The following APPL2 variants were observed in gnomAD, a reference collection of about 807,000 sequenced individuals.
The protein encoded by APPL2 is adaptor protein, phosphotyrosine interacting with PH domain and leucine zipper 2.
In APPL2, 84 loss-of-function variants were observed where a neutral mutation model predicts 92.7. That is an observed-to-expected ratio of 0.91 (90% CI 0.76 to 1.09). APPL2 has a LOEUF of 1.09. Ranked by LOEUF, APPL2 falls within the 50% of genes least tolerant of loss-of-function variation. The probability of loss-of-function intolerance (pLI) is 0.00; values close to 1 mark genes in which losing one functional copy is unlikely to be tolerated. For synonymous variants in APPL2, 291 were observed against 291.0 expected, an observed-to-expected ratio of 1.00 and a Z score of 0.00; for missense variants, 736 against 824.5, an observed-to-expected ratio of 0.89 and a Z score of 1.31.
At chr12:105,230,167 T>C (rs1890818664) in intron 1 of APPL2, among the ~76,000 whole-genome samples, 1 of 152,164 alleles carries the variant, frequency 6.6e-6, no homozygotes, top group African/African-American at 2.4e-5. Context: ...GCAGCAGCTC[T>C]GGACATAAAA....
intron 2 of APPL2, among the ~76,000 whole-genome samples, chr12:105,226,586 C>T (rs1475054107): frequency 6.6e-6 from 1 of 152,232 alleles, no homozygotes; most frequent in Non-Finnish European, 1.5e-5. Context: ...AGAACAGAGA[C>T]TCCTCAGAGT....
intron 17 of APPL2, among the ~76,000 whole-genome samples, chr12:105,185,780 AG>A (rs1886551342): frequency 6.6e-6 from 1 of 152,116 alleles, no homozygotes; most frequent in Admixed American, 6.6e-5. Context: ...ATTCCACTGC[AG>A]GGGTATGTTT....
intron 9 of APPL2, among the ~76,000 whole-genome samples, chr12:105,201,534 T>C (rs897684194): frequency 2.6e-5 from 4 of 152,072 alleles, no homozygotes; most frequent in Admixed American, 1.3e-4. Context: ...ACGTGGCTTC[T>C]TGCGTACAAC....
chr12:105,176,881 C>A lies in APPL2; in HGVS notation c.1807G>T (p.Glu603Ter). The A allele has an allele frequency of 1.2e-6, 2 of 1,613,642 alleles. No homozygotes were observed. The highest frequency in any genetic ancestry group is 1.7e-6 in the Non-Finnish European group (2 of 1,179,860). ...TYIFESNSEG[E>*]KICYAINLGK... ...TCTTCACATGAAAAAGAGACCTTTT[C>A]GCCTTCTGAGTTGCTTTCAAAAATG... The change falls in exon 19 of 21, where the codon GAA becomes TAA. Residue 603 changes from glutamate to a stop codon, truncating the protein, a stop_gained. Coordinates refer to ENST00000258530, the MANE Select transcript of APPL2 (RefSeq NM_018171.5). LOFTEE classifies it high-confidence loss of function.
intron 14 of APPL2, among the ~76,000 whole-genome samples, chr12:105,190,959 T>C (rs1887142974): frequency 6.6e-6 from 1 of 152,250 alleles, no homozygotes; most frequent in Non-Finnish European, 1.5e-5. Flanking sequence ...AGCCAGACTA[T>C]AAACTCCTTT....
At chr12:105,217,037 T>C (rs774387174) in intron 4 of APPL2, 32 bp downstream of exon 4, 2 of 1,489,200 alleles carry the variant, frequency 1.3e-6, no homozygotes, top group East Asian at 4.6e-5. Flanking sequence ...CGAGAAAGAA[T>C]CAAATACAAA....
rs1592823897 is a variant in APPL2 at position 105,217,782 on chromosome 12, A to G, written c.154-57T>C. The G allele has an allele frequency of 2.6e-6, 4 of 1,525,054 alleles. No homozygotes were observed. The East Asian group carries it at 9.0e-5, about 34-fold the overall frequency. 94.5% of individuals were successfully genotyped at this position (1,525,054 alleles called of 1,614,324 possible). A position where few individuals can be genotyped will look rare whatever the true frequency, so the allele number is the denominator to read the frequency against. ...TAGTCCAATGTATACATAGTCACTG[A>G]AAAATGCCATCTCTGAGAATCCCTT... On this transcript the variant is annotated intron_variant, in intron 2 of 20. Coordinates refer to ENST00000258530, the MANE Select transcript of APPL2 (RefSeq NM_018171.5).
intron 14 of APPL2, among the ~76,000 whole-genome samples, chr12:105,194,358 A>G (rs551989900): frequency 6.6e-6 from 1 of 152,340 alleles, no homozygotes; most frequent in South Asian, 2.1e-4. Context: ...TGATAACAGT[A>G]AACGCCAGGG....
intron 7 of APPL2, 22 bp downstream of exon 7, chr12:105,207,949 A>C (rs200744427): frequency 6.2e-7 from 1 of 1,603,510 alleles, no homozygotes; most frequent in Admixed American, 1.7e-5. Context: ...GAAGTGAAAA[A>C]CAACATGTAA....
At chr12:105,215,281 G>A (rs920065981) in intron 4 of APPL2, among the ~76,000 whole-genome samples, 2 of 152,248 alleles carry the variant, frequency 1.3e-5, no homozygotes, top group South Asian at 2.1e-4. Context: ...GCTATCTCCA[G>A]GTAGATATGT....
At chr12:105,208,519 C>T (rs1221669049) in intron 5 of APPL2, among the ~76,000 whole-genome samples, 1 of 152,170 alleles carries the variant, frequency 6.6e-6, no homozygotes, top group Non-Finnish European at 1.5e-5. Flanking sequence ...TTCATGGAGA[C>T]CTGGAGTATA....
At chr12:105,206,598 G>A (rs930712585) in intron 8 of APPL2, among the ~76,000 whole-genome samples, 3 of 152,184 alleles carry the variant, frequency 2.0e-5, no homozygotes, top group Non-Finnish European at 2.9e-5. Flanking sequence ...CACTGGCAAC[G>A]TTTCCCCATG....
intron 2 of APPL2, among the ~76,000 whole-genome samples, chr12:105,221,185 C>CA (rs1362444098): frequency 1.3e-5 from 2 of 152,290 alleles, no homozygotes; most frequent in East Asian, 3.9e-4. Flanking sequence ...GGTAGGCCTG[C>CA]AAAAATATCT....
Position 105,236,138 on chromosome 12 carries a change from G to A in APPL2, c.-126C>T, listed in dbSNP as rs528724837. The A allele has an allele frequency of 4.4e-5, 26 of 595,844 alleles. No individual in the cohort carries two copies. Among genetic ancestry groups the A allele is most frequent in the Non-Finnish European group, 3.2e-5 (14 of 442,974 alleles). 36.9% of individuals were successfully genotyped at this position (595,844 alleles called of 1,614,324 possible). On this transcript the variant is annotated 5_prime_UTR_variant, in exon 1 of 21. Coordinates refer to ENST00000258530, the MANE Select transcript of APPL2 (RefSeq NM_018171.5). ...GCCACTCCGTGCCCGCGGCGGCCCC[G>A]CGCGCGTCCACGCCTGGCCAGTGGC...
At chr12:105,223,806 A>G (rs1001088996) in intron 2 of APPL2, among the ~76,000 whole-genome samples, 1 of 152,364 alleles carries the variant, frequency 6.6e-6, no homozygotes, top group Non-Finnish European at 1.5e-5. Context: ...TCACACTGAG[A>G]GCACTCTGTG....
rs1889806161 is a variant in APPL2 at position 105,217,746 on chromosome 12, G to A, written c.154-21C>T. ...TCATTCTGTGGAGAGAAGAGAAAAA[G>A]CAAGTAAGATTAGTCCAATGTATAC... On this transcript the variant is annotated intron_variant, in intron 2 of 20. Coordinates refer to ENST00000258530, the MANE Select transcript of APPL2 (RefSeq NM_018171.5). 4 of 1,612,200 alleles carry A rather than the reference G, an allele frequency of 2.5e-6. No individual in the cohort carries two copies. In the East Asian group the frequency reaches 8.9e-5, roughly 36 times the overall value.
At chr12:105,203,565 T>C (rs1888411052) in intron 9 of APPL2, 138 bp downstream of exon 9, 2 of 724,950 alleles carry the variant, frequency 2.8e-6, no homozygotes, top group Non-Finnish European at 4.8e-6. Context: ...GCAAGGGCAC[T>C]GTTAGCGAGC....
chr12:105,188,239 C>G, intron 17 of APPL2, 34 bp downstream of exon 17: 1 of 1,607,586 alleles, frequency 6.2e-7, no homozygotes, highest in Non-Finnish European at 8.5e-7. Context: ...TTAGCTGAAG[C>G]CATAAGAAAG....
At chr12:105,187,043 T>C (rs1886796016) in intron 17 of APPL2, among the ~76,000 whole-genome samples, 2 of 152,202 alleles carry the variant, frequency 1.3e-5, no homozygotes. Flanking sequence ...TCTTTTCACT[T>C]TGATGTGCTG....
Sources: allele counts gnomAD v4.1 joint callset (sites outside exome capture counted in the v4.1 genomes callset), GRCh38; gene constraint gnomAD v4.1.1; transcripts MANE v1.5; gene names NCBI Gene and HGNC (gene_info 2026-07-23, HGNC 2026-07-21).